The following MYH13 variants were observed in gnomAD, a reference collection of about 807,000 sequenced individuals.
The protein encoded by MYH13 is myosin-13.
Under a neutral mutation model 232.1 loss-of-function variants are expected in MYH13, and 177 were observed. The observed-to-expected ratio is 0.76, with a 90% CI of 0.67 to 0.86. The LOEUF (loss-of-function observed/expected upper bound fraction) is 0.86. Among genes scored for constraint, MYH13 ranks in the 40% least tolerant of loss-of-function variants. The pLI, the probability that MYH13 is intolerant of heterozygous loss-of-function variation, is 0.00. For synonymous variants in MYH13, 884 were observed against 923.5 expected, an observed-to-expected ratio of 0.96 and a Z score of 0.78; for missense variants, 2,246 against 2,405.9, an observed-to-expected ratio of 0.93 and a Z score of 1.39.
chr17:10,319,876 C>T (rs942094358), intron 26 of MYH13, among the ~76,000 whole-genome samples: 10 of 152,070 alleles, frequency 6.6e-5, no homozygotes, highest in African/African-American at 1.2e-4. Flanking sequence ...TCTCAGAAGA[C>T]GGGGAGGGCA....
intron 1 of MYH13, 29 bp downstream of exon 1, chr17:10,372,950 C>T (rs2071887981): frequency 6.6e-6 from 1 of 151,978 alleles, no homozygotes; most frequent in African/African-American, 2.4e-5. Context: ...CTACGTGGAG[C>T]AAAAAAGTGA....
At chr17:10,351,121 T>C (rs918502581) in intron 11 of MYH13, among the ~76,000 whole-genome samples, 1 of 148,904 alleles carries the variant, frequency 6.7e-6, no homozygotes, top group Non-Finnish European at 1.5e-5. Context: ...CTCAGGATGC[T>C]GAGGCAGGAG....
intron 18 of MYH13, 34 bp downstream of exon 18, chr17:10,340,116 G>A (rs765204141): frequency 6.3e-7 from 1 of 1,581,998 alleles, no homozygotes; most frequent in Non-Finnish European, 8.7e-7. Flanking sequence ...GTCCTGTTCT[G>A]TTCAAATACT....
At chr17:10,366,243 C>G (rs997109182) in intron 2 of MYH13, among the ~76,000 whole-genome samples, 1 of 152,012 alleles carries the variant, frequency 6.6e-6, no homozygotes, top group African/African-American at 2.4e-5. Context: ...TTCCTCAAGT[C>G]TCTTTCCTCT....
At position 10,311,239 on chromosome 17, in the gene MYH13, A is replaced by G; in HGVS notation, c.4532-12T>C. 2 of 1,613,818 alleles carry G rather than the reference A, an allele frequency of 1.2e-6. No homozygotes were observed. Among genetic ancestry groups the G allele is most frequent in the Non-Finnish European group, 1.7e-6 (2 of 1,179,862 alleles). Reference sequence around the variant, plus strand: ...GTCGGAAATCTCTTCTGCAAAGGACAGGCTTGATTTAGGCTGTTTCAACAG... The same window carrying G: ...GTCGGAAATCTCTTCTGCAAAGGACGGGCTTGATTTAGGCTGTTTCAACAG... On this transcript the variant is annotated splice_polypyrimidine_tract_variant and intron_variant, in intron 32 of 40. Transcript: ENST00000252172.
At chr17:10,365,446 G>A (rs367613983) in intron 2 of MYH13, among the ~76,000 whole-genome samples, 46 of 152,266 alleles carry the variant, frequency 3.0e-4, no homozygotes, top group African/African-American at 9.6e-4. Flanking sequence ...CACAGATTAC[G>A]GGCCCTATCC....
At chr17:10,360,238 T>C (rs761411317) in intron 5 of MYH13, 50 bp from the exon 6 acceptor site, 9 of 1,588,986 alleles carry the variant, frequency 5.7e-6, no homozygotes, top group Non-Finnish European at 7.7e-6. Flanking sequence ...ACAAACAGAA[T>C]GTTAAAATAA....
At chr17:10,305,310 G>A (rs1366934806) in intron 37 of MYH13, among the ~76,000 whole-genome samples, 1 of 152,182 alleles carries the variant, frequency 6.6e-6, no homozygotes, top group Non-Finnish European at 1.5e-5. Flanking sequence ...TCCATGAGAA[G>A]AACAGGCCTA....
Position 10,315,869 on chromosome 17 carries a change from G to A in MYH13, c.3865+30C>T, listed in dbSNP as rs377096116. On this transcript the variant is annotated intron_variant, in intron 28 of 40. Coordinates refer to ENST00000252172, the MANE Select transcript of MYH13 (RefSeq NM_003802.3). Reference sequence around the variant, plus strand: ...TACTGACCACCCTCTCCCATGGCCCGGCTGGACCCAGAGCCCTGCCCATTC... The same window carrying A: ...TACTGACCACCCTCTCCCATGGCCCAGCTGGACCCAGAGCCCTGCCCATTC... 8.3e-5 allele frequency: 134 copies of A among 1,613,742 alleles called. 1 individual carries two copies. Among genetic ancestry groups the A allele is most frequent in the South Asian group, 1.8e-4 (16 of 91,070 alleles).
chr17:10,359,845 A>C (rs28452817), intron 7 of MYH13, 115 bp downstream of exon 7: 1 of 892,094 alleles, frequency 1.1e-6, no homozygotes, highest in Non-Finnish European at 1.8e-6. Context: ...GAAAGAAAGA[A>C]TTTTTCCTAT....
At position 10,313,144 on chromosome 17, in the gene MYH13, C is replaced by A. The variant is rs771868251; in HGVS notation, c.4181+14G>T. The A allele has an allele frequency of 6.2e-7, 1 of 1,614,010 alleles. No individual in the cohort carries two copies. Among genetic ancestry groups the A allele is most frequent in the South Asian group, 1.1e-5 (1 of 91,068 alleles). ...CTCGGGCCCCCTCTGCTATTGCCAC[C>A]CTGGAGCCCCTACTTGGCCTCCTCC... On this transcript the variant is annotated intron_variant, in intron 30 of 40. Coordinates refer to ENST00000252172, the MANE Select transcript of MYH13 (RefSeq NM_003802.3).
At position 10,309,457 on chromosome 17, in the gene MYH13, T is replaced by G. The variant is rs772873813; in HGVS notation, c.4966-20A>C. The G allele has an allele frequency of 2.5e-6, 4 of 1,599,438 alleles. No homozygotes were observed. The East Asian group carries it at 9.0e-5, about 36-fold the overall frequency. ...GGAGTCCTGCAGGGGAGACCCAGAG[T>G]GAGGCCAGAGCCGCCTGGCAGGCTG... On this transcript the variant is annotated intron_variant, in intron 34 of 40. Coordinates refer to ENST00000252172, the MANE Select transcript of MYH13 (RefSeq NM_003802.3).
At position 10,321,716 on chromosome 17, in the gene MYH13, A is replaced by G; in HGVS notation, c.2935-8T>C. ...TTCGGAAAGATTCTTTACCTGGGAC[A>G]ATATTAACACCGATTTAATATGGAA... On this transcript the variant is annotated splice_polypyrimidine_tract_variant and splice_region_variant and intron_variant, in intron 23 of 40. Transcript: ENST00000252172. 6.2e-7 allele frequency: 1 copy of G among 1,609,226 alleles called. No individual in the cohort carries two copies. The highest frequency in any genetic ancestry group is 8.5e-7 in the Non-Finnish European group (1 of 1,176,988).
At chr17:10,368,641 C>G (rs1227467894) in intron 2 of MYH13, among the ~76,000 whole-genome samples, 1 of 152,208 alleles carries the variant, frequency 6.6e-6, no homozygotes, top group Non-Finnish European at 1.5e-5. Flanking sequence ...TTCATCCTTG[C>G]TTTTGCATCA....
At chr17:10,328,678 GTTTT>G (rs34649785) in intron 21 of MYH13, among the ~76,000 whole-genome samples, 4 of 128,044 alleles carry the variant, frequency 3.1e-5, no homozygotes, top group Non-Finnish European at 1.7e-5. Flanking sequence ...TTTTCTATTC[GTTTT>G]TTTTTTTTTT....
chr17:10,344,847 A>G (rs918097336), intron 15 of MYH13, among the ~76,000 whole-genome samples: 1 of 150,366 alleles, frequency 6.7e-6, no homozygotes, highest in Non-Finnish European at 1.5e-5. Flanking sequence ...AAAAAAGTTA[A>G]TATCTATTCC....
chr17:10,370,238 C>T (rs991479761), intron 2 of MYH13, among the ~76,000 whole-genome samples: 4 of 152,244 alleles, frequency 2.6e-5, no homozygotes, highest in African/African-American at 4.8e-5. Context: ...TCGAGCAAAG[C>T]CCCTCAATCC....
intron 8 of MYH13, among the ~76,000 whole-genome samples, chr17:10,357,134 G>T (rs111857339): frequency 9.6e-4 from 146 of 152,022 alleles, no homozygotes; most frequent in African/African-American, 3.4e-3. Flanking sequence ...CTAATTTTTT[G>T]TATTTTTAGT....
chr17:10,348,195 C>G (rs1332672860), intron 12 of MYH13, among the ~76,000 whole-genome samples: 1 of 152,210 alleles, frequency 6.6e-6, no homozygotes, highest in Non-Finnish European at 1.5e-5. Flanking sequence ...TATTCTTCTT[C>G]TTGTCATTTA....
Sources: gnomAD v4.1 joint callset for allele counts (sites outside exome capture counted in the v4.1 genomes callset) on GRCh38, gnomAD v4.1.1 for gene constraint, MANE v1.5 for transcripts, NCBI Gene and HGNC (gene_info 2026-07-23, HGNC 2026-07-21) for gene names.